The following PTPRT variants were observed in gnomAD, a reference collection of about 807,000 sequenced individuals.
PTPRT encodes receptor-type tyrosine-protein phosphatase T.
PTPRT carries 56 observed loss-of-function variants against 176.8 expected under a neutral mutation model. The observed-to-expected ratio is 0.32, with a 90% CI of 0.26 to 0.40. The LOEUF (loss-of-function observed/expected upper bound fraction) is 0.40. Ranked by LOEUF, PTPRT falls within the 10% of genes least tolerant of loss-of-function variation. PTPRT has a pLI of 1.00. For synonymous variants in PTPRT, 783 were observed against 739.0 expected (o/e 1.06, Z -0.96); for missense variants, 1,540 against 1,908.2 (o/e 0.81, Z 3.60).
chr20:42,833,286 C>A (rs932150884), intron 2 of PTPRT, among the ~76,000 whole-genome samples: 29 of 141,276 alleles, frequency 2.1e-4, no homozygotes, highest in Non-Finnish European at 4.5e-4. Flanking sequence ...AAAAAAAAAA[C>A]TTGGCCAAGC....
At chr20:42,298,947 G>C (rs1022230405) in intron 12 of PTPRT, among the ~76,000 whole-genome samples, 4 of 151,524 alleles carry the variant, frequency 2.6e-5, no homozygotes, top group Admixed American at 1.3e-4. Context: ...ACAAAACAAA[G>C]AGTACTGTGC....
intron 1 of PTPRT, among the ~76,000 whole-genome samples, chr20:43,070,173 G>A (rs1035166987): frequency 9.9e-5 from 15 of 152,104 alleles, no homozygotes; most frequent in African/African-American, 3.6e-4. Flanking sequence ...TGCTGCTGGT[G>A]CACAGTCCGG....
intron 7 of PTPRT, among the ~76,000 whole-genome samples, chr20:42,504,986 G>A (rs1367188177): frequency 6.6e-6 from 1 of 152,100 alleles, no homozygotes; most frequent in African/African-American, 2.4e-5. Flanking sequence ...CCGATATTCT[G>A]GGAGCTGGGC....
intron 1 of PTPRT, among the ~76,000 whole-genome samples, chr20:42,894,524 G>T (rs1372431047): frequency 6.6e-6 from 1 of 151,728 alleles, no homozygotes; most frequent in East Asian, 1.9e-4. Context: ...GCATAGAAAG[G>T]TTAAAAAAAA....
intron 1 of PTPRT, among the ~76,000 whole-genome samples, chr20:43,083,339 T>TATATATATATATAC (rs2011502046): frequency 3.7e-5 from 4 of 109,240 alleles, no homozygotes; most frequent in African/African-American, 1.4e-4. Context: ...TATATATATA[T>TATATATATATATAC]ATATATATAT....
At chr20:42,670,383 G>A (rs2075392339) in intron 7 of PTPRT, among the ~76,000 whole-genome samples, 1 of 152,160 alleles carries the variant, frequency 6.6e-6, no homozygotes, top group Admixed American at 6.5e-5. Context: ...CAGCCAGCAA[G>A]TGCCCAGCTT....
intron 9 of PTPRT, among the ~76,000 whole-genome samples, chr20:42,375,977 T>G (rs1238647064): frequency 6.6e-6 from 1 of 151,976 alleles, no homozygotes; most frequent in South Asian, 2.1e-4. Flanking sequence ...TAAAGCAGCA[T>G]GGGAGGATAT....
At chr20:42,037,427 C>T in the PTPRT span, among the ~76,000 whole-genome samples, 4 of 152,078 alleles carry the variant, frequency 2.6e-5, no homozygotes, top group African/African-American at 9.7e-5. Flanking sequence ...TCACCTCCAC[C>T]AAAAGGAGAG....
chr20:42,083,798 C>T (rs1350097932), intron 29 of PTPRT, among the ~76,000 whole-genome samples: 2 of 152,134 alleles, frequency 1.3e-5, no homozygotes, highest in Admixed American at 6.5e-5. Context: ...TTCCTCAAAT[C>T]GTTGAAGTTC....
chr20:43,014,339 T>C lies in PTPRT; in HGVS notation c.89-128407A>G, dbSNP rs564995322. ...TATGAGGAACTAATGCCTGCAACTG[T>C]CACCATTTAGTGAAAGATTTAATAA... On this transcript the variant is annotated intron_variant, in intron 1 of 30. Transcript: ENST00000373187. Among the ~76,000 whole-genome samples, 9 of 152,330 alleles carry C rather than the reference T, an allele frequency of 5.9e-5. No homozygotes were observed. In the South Asian group the frequency reaches 1.9e-3, roughly 32 times the overall value.
intron 2 of PTPRT, among the ~76,000 whole-genome samples, chr20:42,842,585 A>C (rs2078297461): frequency 6.6e-6 from 1 of 151,386 alleles, no homozygotes; most frequent in Non-Finnish European, 1.5e-5. Flanking sequence ...ATGCCCAACA[A>C]ATTTTTGTAT....
intron 1 of PTPRT, among the ~76,000 whole-genome samples, chr20:42,964,073 G>T (rs1247489355): frequency 6.6e-6 from 1 of 152,064 alleles, no homozygotes; most frequent in Non-Finnish European, 1.5e-5. Flanking sequence ...GCAACCTACT[G>T]CCTGTAGGGA....
intron 1 of PTPRT, among the ~76,000 whole-genome samples, chr20:42,997,775 C>G (rs1424782281): frequency 6.6e-6 from 1 of 152,042 alleles, no homozygotes; most frequent in Non-Finnish European, 1.5e-5. Flanking sequence ...TTGTTGGTAT[C>G]GTTCAGTAAC....
rs574468642 is a variant in PTPRT, at chr20:42,313,041, C to A, written c.2139+2682G>T. On this transcript the variant is annotated intron_variant, in intron 12 of 30. Transcript: ENST00000373187. ...GGTACAAGATACAGGCCACAAAGAC[C>A]TTGCTATAAAAACAGCTTACAGTAA... is the stretch of plus-strand genomic sequence containing the variant. Among the ~76,000 whole-genome samples, 15 of 152,116 alleles carry A rather than the reference C, an allele frequency of 9.9e-5. No individual in the cohort carries two copies. The South Asian group carries it at 2.9e-3, about 29-fold the overall frequency.
intron 1 of PTPRT, among the ~76,000 whole-genome samples, chr20:43,103,098 C>T (rs1460107562): frequency 1.3e-5 from 2 of 152,094 alleles, no homozygotes; most frequent in East Asian, 1.9e-4. Context: ...CAACTCGTGC[C>T]ATCTGCCAAA....
rs144109056 is a variant in PTPRT, at chr20:42,644,512, T to C, written c.1153+33354A>G. Among the ~76,000 whole-genome samples the C allele has an allele frequency of 2.5e-3, 386 of 152,244 alleles. 4 individuals are homozygous for C. The highest frequency in any genetic ancestry group is 8.9e-3 in the African/African-American group (368 of 41,530). ...TATGCTCTTCATCACTAGGTTAGGC[T>C]CTTACCTGTGCATCTTGTATTTGGG... is the stretch of plus-strand genomic sequence containing the variant. On this transcript the variant is annotated intron_variant, in intron 7 of 30. Transcript: ENST00000373187.
At chr20:42,288,283 C>T (rs531670575) in intron 12 of PTPRT, among the ~76,000 whole-genome samples, 1 of 152,072 alleles carries the variant, frequency 6.6e-6, no homozygotes, top group East Asian at 1.9e-4. Context: ...CATTAATTTG[C>T]TTTCTGTGGG....
intron 12 of PTPRT, among the ~76,000 whole-genome samples, chr20:42,289,587 A>G (rs2057286443): frequency 6.6e-6 from 1 of 152,118 alleles, no homozygotes; most frequent in Non-Finnish European, 1.5e-5. Flanking sequence ...ACTGTCTCAT[A>G]CCAGTCAGAA....
intron 16 of PTPRT, among the ~76,000 whole-genome samples, chr20:42,197,743 G>C (rs926299215): frequency 6.6e-6 from 1 of 151,916 alleles, no homozygotes; most frequent in Non-Finnish European, 1.5e-5. Context: ...ACATGGATAA[G>C]GGGAGAAAGA....
Sources: allele counts gnomAD v4.1 joint callset (sites outside exome capture counted in the v4.1 genomes callset), GRCh38; gene constraint gnomAD v4.1.1; transcripts MANE v1.5; gene names NCBI Gene and HGNC (gene_info 2026-07-23, HGNC 2026-07-21).